Variants in SCML4 observed in about 807,000 individuals in gnomAD.
SCML4 encodes the protein sex comb on midleg-like protein 4.
A neutral mutation model predicts 41.1 loss-of-function variants in SCML4; 34 were observed. The observed-to-expected ratio is 0.83, with a 90% CI of 0.63 to 1.10. The LOEUF is 1.10. SCML4 is among the 50% of genes least tolerant of loss of function. SCML4 has a pLI of 0.00. For missense variants in SCML4, 522 were observed against 534.1 expected, an observed-to-expected ratio of 0.98 and a Z score of 0.22; for synonymous variants, 214 against 220.9, an observed-to-expected ratio of 0.97 and a Z score of 0.28.
At chr6:107,803,415 G>A (rs190665883) in intron 1 of SCML4, among the ~76,000 whole-genome samples, 8,498 of 147,056 alleles carry the variant, frequency 0.058, 659 homozygotes, top group African/African-American at 0.19. Flanking sequence ...CGCCCCATCC[G>A]GGAGGGAGGT....
intron 1 of SCML4, among the ~76,000 whole-genome samples, chr6:107,816,203 C>G (rs1322080947): frequency 6.6e-6 from 1 of 152,244 alleles, no homozygotes; most frequent in Non-Finnish European, 1.5e-5. Context: ...CCTGTATTGA[C>G]TTCCTGTGTG....
At chr6:107,770,155 A>G (rs189081742) in intron 2 of SCML4, among the ~76,000 whole-genome samples, 4 of 152,326 alleles carry the variant, frequency 2.6e-5, no homozygotes, top group African/African-American at 7.2e-5. Flanking sequence ...GAAATTGTCA[A>G]AATAAAACTG....
At chr6:107,748,479 G>A (rs1442131437) in intron 3 of SCML4, among the ~76,000 whole-genome samples, 2 of 152,148 alleles carry the variant, frequency 1.3e-5, no homozygotes, top group East Asian at 1.9e-4. Context: ...ATTTACTAAT[G>A]AAGAAACTAA....
chr6:107,726,610 T>C (rs1562187365), intron 5 of SCML4, among the ~76,000 whole-genome samples: 1 of 150,320 alleles, frequency 6.7e-6, no homozygotes, highest in African/African-American at 2.4e-5. Context: ...ATAAAGGACT[T>C]GAATAAACAT....
At chr6:107,761,455 T>C (rs868816002) in intron 2 of SCML4, among the ~76,000 whole-genome samples, 8 of 151,802 alleles carry the variant, frequency 5.3e-5, no homozygotes, top group African/African-American at 1.5e-4. Context: ...TTTTTTTTTT[T>C]AGACAGAGTC....
intron 1 of SCML4, among the ~76,000 whole-genome samples, chr6:107,812,785 G>GCATCTC (rs1331177580): frequency 6.6e-6 from 1 of 151,576 alleles, no homozygotes; most frequent in Non-Finnish European, 1.5e-5. Context: ...AGACTCCCCT[G>GCATCTC]CATCTCCAGC....
At chr6:107,744,530 CA>C (rs762848476) in intron 5 of SCML4, among the ~76,000 whole-genome samples, 149 of 152,308 alleles carry the variant, frequency 9.8e-4, no homozygotes, top group Non-Finnish European at 1.5e-3. Context: ...GGACCAACAT[CA>C]TCAGTTCTAT....
At chr6:107,791,365 A>C (rs1222491751) in intron 1 of SCML4, among the ~76,000 whole-genome samples, 1 of 152,170 alleles carries the variant, frequency 6.6e-6, no homozygotes, top group Non-Finnish European at 1.5e-5. Flanking sequence ...TCATCACTTT[A>C]ATGAGCCCAA....
intron 1 of SCML4, among the ~76,000 whole-genome samples, chr6:107,795,923 T>A (rs973062343): frequency 6.6e-6 from 1 of 152,248 alleles, no homozygotes; most frequent in Non-Finnish European, 1.5e-5. Flanking sequence ...TCTTAAGTTT[T>A]ACATAAATAG....
Position 107,795,732 on chromosome 6 carries a change from T to A in SCML4, c.-59-23346A>T, listed in dbSNP as rs568380103. Among the ~76,000 whole-genome samples the A allele has an allele frequency of 2.2e-4, 33 of 152,258 alleles. No homozygotes were observed. The South Asian group carries it at 6.6e-3, about 31-fold the overall frequency. On this transcript the variant is annotated intron_variant, in intron 1 of 7. Transcript: ENST00000369020. Reference sequence around the variant, plus strand: ...TTAGTAGAGATGGTGTTTCACCATGTGGGCCAGGCTGGTCTCAAACTGCTC... The same window carrying A: ...TTAGTAGAGATGGTGTTTCACCATGAGGGCCAGGCTGGTCTCAAACTGCTC...
chr6:107,759,561 A>G (rs76873855), intron 2 of SCML4, among the ~76,000 whole-genome samples: 1,598 of 152,290 alleles, frequency 0.01, 24 homozygotes, highest in African/African-American at 0.037. Context: ...GAGAAAGCAC[A>G]AAATCTAGGA....
At chr6:107,791,859 C>T (rs1032169805) in intron 1 of SCML4, among the ~76,000 whole-genome samples, 3 of 152,158 alleles carry the variant, frequency 2.0e-5, no homozygotes, top group African/African-American at 7.2e-5. Context: ...ACTCAGGAGG[C>T]TGAGGCAGGA....
intron 5 of SCML4, among the ~76,000 whole-genome samples, chr6:107,737,195 C>G (rs902103359): frequency 6.6e-6 from 1 of 152,138 alleles, no homozygotes; most frequent in Non-Finnish European, 1.5e-5. Context: ...CAGAGTCCTG[C>G]AATATAAAGC....
intron 2 of SCML4, among the ~76,000 whole-genome samples, chr6:107,769,612 G>A (rs1255286512): frequency 6.6e-6 from 1 of 152,080 alleles, no homozygotes; most frequent in Non-Finnish European, 1.5e-5. Flanking sequence ...AGAAACATAT[G>A]ATTTTATTAC....
At position 107,746,746 on chromosome 6, in the gene SCML4, G is replaced by T. The variant is rs1778135680; in HGVS notation, c.430C>A (p.Gln144Lys). Reference sequence around the variant, plus strand: ...ACCAGGGAGAAGACCAGCTTCTGCTGGTGGGCGCAGTCGATGCAGGCTTGG... The same window carrying T: ...ACCAGGGAGAAGACCAGCTTCTGCTTGTGGGCGCAGTCGATGCAGGCTTGG... ...AVQACIDCAH[Q>K]QKLVFSLVKQ... Residue 144 changes from glutamine (Q) to lysine (K), a missense_variant, in exon 4 of 8, where the codon CAG becomes AAG. Physicochemically the swap from Gln to Lys is moderately conservative, Grantham distance 53 (BLOSUM62 1). Transcript: ENST00000369020. The T allele has an allele frequency of 1.9e-6, 3 of 1,614,172 alleles. No homozygotes were observed. The East Asian group carries it at 6.7e-5, about 36-fold the overall frequency.
At chr6:107,807,136 G>A (rs1228944806) in intron 1 of SCML4, among the ~76,000 whole-genome samples, 1 of 149,420 alleles carries the variant, frequency 6.7e-6, no homozygotes, top group African/African-American at 2.5e-5. Flanking sequence ...GATTTATGAT[G>A]CCTTTATTGT....
chr6:107,703,059 G>A lies in SCML4; in HGVS notation c.*2141C>T, dbSNP rs1169201281. On this transcript the variant is annotated 3_prime_UTR_variant, in exon 8 of 8. Transcript: ENST00000369020. ...ACCAGTGCCATGACGGTTTACAAAT[G>A]CCATGGCAACATCAGGAAGTTACCC... 5.9e-5 allele frequency among the ~76,000 whole-genome samples: 9 copies of A among 152,308 alleles called. No homozygotes were observed. The South Asian group carries it at 1.9e-3, about 32-fold the overall frequency.
chr6:107,822,548 A>G (rs6568507), intron 1 of SCML4, among the ~76,000 whole-genome samples: 38,874 of 144,820 alleles, frequency 0.27, 7,835 homozygotes, highest in African/African-American at 0.58. Flanking sequence ...AATTTTGGGG[A>G]CACAGGGAAG....
At chr6:107,833,441 C>T in the SCML4 span, among the ~76,000 whole-genome samples, 1 of 152,060 alleles carries the variant, frequency 6.6e-6, no homozygotes, top group Admixed American at 6.6e-5. Context: ...CATGGGGTAG[C>T]TGGAGGAGCT....
Sources: allele counts gnomAD v4.1 joint callset (sites outside exome capture counted in the v4.1 genomes callset), GRCh38; gene constraint gnomAD v4.1.1; transcripts MANE v1.5; gene names NCBI Gene and HGNC (gene_info 2026-07-23, HGNC 2026-07-21).